DENND1A: variants seen among roughly 807,000 people sequenced by gnomAD.
DENND1A encodes DENN domain-containing protein 1A.
A neutral mutation model predicts 113.7 loss-of-function variants in DENND1A; 51 were observed. The ratio of observed to expected loss-of-function variants is 0.45; its 90% CI spans 0.36 to 0.57. The LOEUF (loss-of-function observed/expected upper bound fraction) is 0.57, where lower values mean the gene tolerates loss of function less well. Among genes scored for constraint, DENND1A ranks in the 20% least tolerant of loss-of-function variants. The pLI is 0.00. For missense variants in DENND1A, 1,258 were observed against 1,395.9 expected (o/e 0.90, Z 1.57); for synonymous variants, 565 against 570.8 (o/e 0.99, Z 0.14).
chr9:123,713,939 G>A (rs1007398101), intron 5 of DENND1A, among the ~76,000 whole-genome samples: 1 of 152,036 alleles, frequency 6.6e-6, no homozygotes, highest in African/African-American at 2.4e-5. Flanking sequence ...CATATGGAGA[G>A]AAGAGTTAAA....
intron 5 of DENND1A, among the ~76,000 whole-genome samples, chr9:123,691,936 G>A (rs1432276465): frequency 6.6e-6 from 1 of 152,160 alleles, no homozygotes; most frequent in Non-Finnish European, 1.5e-5. Context: ...CTGTCATGTA[G>A]AAGATTGACC....
At chr9:123,573,093 C>A (rs2058446226) in intron 12 of DENND1A, among the ~76,000 whole-genome samples, 1 of 152,094 alleles carries the variant, frequency 6.6e-6, no homozygotes, top group East Asian at 1.9e-4. Flanking sequence ...GTTGAAAAAT[C>A]AATTGACCAC....
intron 1 of DENND1A, among the ~76,000 whole-genome samples, chr9:123,884,919 C>G (rs1848794841): frequency 6.6e-6 from 1 of 152,056 alleles, no homozygotes; most frequent in African/African-American, 2.4e-5. Context: ...ACTTGACAAA[C>G]TCAGGCACTT....
intron 2 of DENND1A, among the ~76,000 whole-genome samples, chr9:123,861,088 T>A (rs1482371298): frequency 1.3e-5 from 2 of 152,182 alleles, no homozygotes; most frequent in African/African-American, 4.8e-5. Context: ...ATTCTCTTTA[T>A]CAAACTTGGA....
intron 2 of DENND1A, among the ~76,000 whole-genome samples, chr9:123,867,178 A>C (rs1010907327): frequency 2.0e-5 from 3 of 152,238 alleles, no homozygotes; most frequent in Non-Finnish European, 4.4e-5. Context: ...AACATAAAGA[A>C]GGAAATGCAA....
intron 1 of DENND1A, among the ~76,000 whole-genome samples, chr9:123,914,307 G>T (rs566211614): frequency 4.3e-4 from 65 of 152,034 alleles, no homozygotes; most frequent in African/African-American, 1.3e-3. Context: ...GGGAGGCCGA[G>T]GTGGGTGGAT....
chr9:123,396,000 C>T (rs1007293940), intron 21 of DENND1A, among the ~76,000 whole-genome samples: 15 of 151,796 alleles, frequency 9.9e-5, no homozygotes, highest in Middle Eastern at 3.4e-3. Context: ...TGTGTGTGCA[C>T]GCGTGTGAGA....
chr9:123,381,549 T>C lies in DENND1A; in HGVS notation c.3096A>G (p.Arg1032=), dbSNP rs769654098. The change falls in exon 24 of 24, where the codon AGA becomes AGG. Residue 1032 remains arginine, a synonymous_variant. Coordinates refer to ENST00000394215, the MANE Select transcript of DENND1A (RefSeq NM_001352964.2). The surrounding 1 kb of genome is among the most constrained non-coding windows in gnomAD (Gnocchi z 4.7). ...TCTGTAACAAATCCTCAAAGGGGTCTCTGGCCTGTTGAGGAGCAGAGGGCT... is the reference window on the plus strand; with the variant it reads ...TCTGTAACAAATCCTCAAAGGGGTCCCTGGCCTGTTGAGGAGCAGAGGGCT... ...TLQPSAPQQA[R]DPFEDLLQKT... is the part of the protein sequence containing the mutation. 1.2e-5 allele frequency: 20 copies of C among 1,613,552 alleles called. No individual in the cohort carries two copies. The highest frequency in any genetic ancestry group is 4.0e-5 in the African/African-American group (3 of 74,876).
intron 7 of DENND1A, among the ~76,000 whole-genome samples, chr9:123,668,260 C>T (rs1048367995): frequency 6.6e-6 from 1 of 152,162 alleles, no homozygotes; most frequent in Admixed American, 6.5e-5. Context: ...CCCCAACCCC[C>T]ACTCTTGGGT....
At chr9:123,856,327 C>T (rs1310477174) in intron 2 of DENND1A, among the ~76,000 whole-genome samples, 1 of 152,090 alleles carries the variant, frequency 6.6e-6, no homozygotes, top group Non-Finnish European at 1.5e-5. Flanking sequence ...GAGAAGAGCG[C>T]CCACACTGTC....
chr9:123,557,471 T>A, intron 13 of DENND1A, 99 bp downstream of exon 13: 1 of 1,530,160 alleles, frequency 6.5e-7, no homozygotes, highest in East Asian at 2.3e-5. Context: ...TCTAGATGAA[T>A]CTGGAAACCA....
intron 2 of DENND1A, among the ~76,000 whole-genome samples, chr9:123,818,606 C>A (rs891367341): frequency 6.6e-6 from 1 of 150,844 alleles, no homozygotes; most frequent in Non-Finnish European, 1.5e-5. Flanking sequence ...TGGAATGGCA[C>A]CCAAGTCTAA....
At chr9:123,843,728 AG>A (rs1208589354) in intron 2 of DENND1A, 1 of 154,766 alleles carries the variant, frequency 6.5e-6, no homozygotes, top group African/African-American at 2.4e-5. Flanking sequence ...TATATTCCAT[AG>A]GGCTGTGCAA....
chr9:123,436,182 C>A lies in DENND1A; in HGVS notation c.1488+4178G>T, dbSNP rs147975314. On this transcript the variant is annotated intron_variant, in intron 19 of 23. Coordinates refer to ENST00000394215, the MANE Select transcript of DENND1A (RefSeq NM_001352964.2). ...TTGGCCAGGCACCCTCTTGTTCAAC[C>A]CCTCCCAGAGGAAGAGGAAGAATGC... Among the ~76,000 whole-genome samples the A allele has an allele frequency of 1.4e-3, 219 of 152,308 alleles. 1 individual carries two copies. The highest frequency in any genetic ancestry group is 5.0e-3 in the African/African-American group (207 of 41,564).
intron 3 of DENND1A, among the ~76,000 whole-genome samples, chr9:123,783,670 T>A (rs759815460): frequency 1.3e-5 from 2 of 152,172 alleles, no homozygotes; most frequent in Admixed American, 6.5e-5. Flanking sequence ...AGAGCCAGGA[T>A]TCAGACCCTA....
chr9:123,480,949 A>G (rs923844317), intron 13 of DENND1A, among the ~76,000 whole-genome samples: 1 of 152,268 alleles, frequency 6.6e-6, no homozygotes, highest in African/African-American at 2.4e-5. Context: ...GCGTCACAGC[A>G]AGGCTGCAAT....
At chr9:123,390,540 G>GC (rs1305578681) in intron 21 of DENND1A, among the ~76,000 whole-genome samples, 2 of 152,200 alleles carry the variant, frequency 1.3e-5, no homozygotes, top group Admixed American at 1.3e-4. Flanking sequence ...AGAAGGTGTC[G>GC]CAATACTGAT....
At chr9:123,641,419 T>C (rs2062018398) in intron 9 of DENND1A, among the ~76,000 whole-genome samples, 1 of 139,988 alleles carries the variant, frequency 7.1e-6, no homozygotes. Context: ...AGAAATCGGA[T>C]GAATTTAATG....
At chr9:123,746,493 T>G (rs1168884710) in intron 5 of DENND1A, among the ~76,000 whole-genome samples, 1 of 152,164 alleles carries the variant, frequency 6.6e-6, no homozygotes, top group African/African-American at 2.4e-5. Context: ...TGTTTCAGAT[T>G]TTAGATTTGT....
Sources: allele counts gnomAD v4.1 joint callset (sites outside exome capture counted in the v4.1 genomes callset), GRCh38; gene constraint gnomAD v4.1.1; non-coding constraint Gnocchi (gnomAD v3.1); transcripts MANE v1.5; gene names NCBI Gene and HGNC (gene_info 2026-07-23, HGNC 2026-07-21).